MYO15A: variants seen among roughly 807,000 people sequenced by gnomAD.
MYO15A encodes myosin XVA.
Under a neutral mutation model 394.6 loss-of-function variants are expected in MYO15A, and 308 were observed. That is an observed-to-expected ratio of 0.78 (90% CI 0.71 to 0.86). The LOEUF (loss-of-function observed/expected upper bound fraction) is 0.86. Ranked by LOEUF, MYO15A falls within the 40% of genes least tolerant of loss-of-function variation. MYO15A has a pLI of 0.00. For synonymous variants in MYO15A, 1,957 were observed against 2,003.8 expected, an observed-to-expected ratio of 0.98 and a Z score of 0.62; for missense variants, 4,606 against 4,799.1, an observed-to-expected ratio of 0.96 and a Z score of 1.19.
chr17:18,137,794 A>G (rs1452056278), intron 16 of MYO15A, 115 bp downstream of exon 16: 2 of 1,210,952 alleles, frequency 1.7e-6, no homozygotes, highest in Non-Finnish European at 1.2e-6. Flanking sequence ...AGTAGACAGT[A>G]GAGGGAAAGG....
At position 18,150,531 on chromosome 17, in the gene MYO15A, G is replaced by C; in HGVS notation, c.7315G>C (p.Glu2439Gln). The change falls in exon 36 of 66, where the codon GAG becomes CAG. Residue 2439 changes from glutamate (E) to glutamine (Q), a missense_variant. Physicochemically the swap from Glu to Gln is conservative, Grantham distance 29. This residue lies in a region of MYO15A where 2,776 missense variants were observed against 3,109.3 expected (regional missense o/e 0.89). Coordinates refer to ENST00000647165, the MANE Select transcript of MYO15A (RefSeq NM_016239.4). This position sits in a 1 kb window ranked among gnomAD's most constrained non-coding sequence, Gnocchi z 4.4. Reference sequence around the variant, plus strand: ...TGAAGACACCCCCAGGAGACCCCCAGAGCCAAAGCCAAGTCAGTGCCTCCC... The same window carrying C: ...TGAAGACACCCCCAGGAGACCCCCACAGCCAAAGCCAAGTCAGTGCCTCCC... ...GTEDTPRRPP[E>Q]PKPIPGLDAS... 1 of 1,614,176 alleles carries C rather than the reference G, an allele frequency of 6.2e-7. No individual in the cohort carries two copies. Among genetic ancestry groups the C allele is most frequent in the Non-Finnish European group, 8.5e-7 (1 of 1,180,010 alleles).
At position 18,122,239 on chromosome 17, in the gene MYO15A, C is replaced by A. The variant is rs1259153213; in HGVS notation, c.3439C>A (p.Pro1147Thr). Residue 1147 changes from proline (P) to threonine (T), a missense_variant, in exon 2 of 66, where the codon CCA becomes ACA. Transcript: ENST00000647165. The part of the protein sequence containing the change: ...PQVQPIQDPK[P>T]RACSLRWSCL... ...AGTCCAGCCCATTCAGGACCCCAAG[C>A]CAAGAGCCTGTAGTCTTCGCTGGTC... 1 of 1,613,226 alleles carries A rather than the reference C, an allele frequency of 6.2e-7. No individual in the cohort carries two copies. The highest frequency in any genetic ancestry group is 2.2e-5 in the East Asian group (1 of 44,882).
chr17:18,111,818 T>C (rs901168787), intron 1 of MYO15A, among the ~76,000 whole-genome samples: 1 of 152,236 alleles, frequency 6.6e-6, no homozygotes, highest in Non-Finnish European at 1.5e-5. Context: ...CTATCTCATG[T>C]AATGCCCAGG....
chr17:18,152,304 T>G, intron 42 of MYO15A, 120 bp downstream of exon 42: 1 of 957,708 alleles, frequency 1.0e-6, no homozygotes, highest in East Asian at 2.6e-5. Flanking sequence ...GTGTACATCT[T>G]GTGAGCACAT....
rs756564364 is a variant in MYO15A at position 18,119,231 on chromosome 17, A to T, written c.431A>T (p.Lys144Met). 3 of 1,612,448 alleles carry T rather than the reference A, an allele frequency of 1.9e-6. No homozygotes were observed. In the South Asian group the frequency reaches 3.3e-5, roughly 18 times the overall value. The change falls in exon 2 of 66, where the codon AAG becomes ATG. Residue 144 changes from lysine (K) to methionine (M), a missense_variant. Coordinates refer to ENST00000647165, the MANE Select transcript of MYO15A (RefSeq NM_016239.4). ...INWLTKKFLL[K>M]KAEESGSEQA... ...TGGCTCACAAAAAAGTTCCTCCTCA[A>T]GAAGGCCGAGGAGTCGGGCAGCGAA...
rs1008937581 is a variant in MYO15A, at chr17:18,126,598, C to T, written c.3866+142C>T. Reference sequence around the variant, plus strand: ...CCACCTACTCAATCTGACAGTCTCTCCCCAGGCAGGGCCGAAGCTACAGGT... The same window carrying T: ...CCACCTACTCAATCTGACAGTCTCTTCCCAGGCAGGGCCGAAGCTACAGGT... On this transcript the variant is annotated intron_variant, in intron 5 of 65. Transcript: ENST00000647165. 8.3e-6 allele frequency: 9 copies of T among 1,077,990 alleles called. No individual in the cohort carries two copies. In the African/African-American group the frequency reaches 9.3e-5, roughly 11 times the overall value. The allele number at this position is 1,077,990 out of a possible 1,614,324, so 66.8% of individuals were successfully genotyped here. A position where few individuals can be genotyped will look rare whatever the true frequency, so the allele number is the denominator to read the frequency against.
In MYO15A at chr17:18,114,395, G is replaced by T. The variant is rs2045760706; in HGVS notation, c.-219-4187G>T. 2.0e-5 allele frequency among the ~76,000 whole-genome samples: 3 copies of T among 151,912 alleles called. 1 individual carries two copies. In the South Asian group the frequency reaches 6.2e-4, roughly 32 times the overall value. The stretch of plus-strand genomic sequence containing the variant: ...GCCTCCTGAGTAGCTGCAATTACAG[G>T]CATGCGCCACCACGCCCAGCTAATT... On this transcript the variant is annotated intron_variant, in intron 1 of 65. Transcript: ENST00000647165.
In MYO15A at chr17:18,151,093, C is replaced by T. The variant is rs767609614; in HGVS notation, c.7474-17C>T. ...GTATATCCCAGGCAGCCCACCCTCA[C>T]GTCCTGTTCTCCACAGAAACCCCCA... On this transcript the variant is annotated splice_polypyrimidine_tract_variant and intron_variant, in intron 38 of 65. Transcript: ENST00000647165. 8 of 1,613,602 alleles carry T rather than the reference C, an allele frequency of 5.0e-6. No homozygotes were observed. The highest frequency in any genetic ancestry group is 5.9e-6 in the Non-Finnish European group (7 of 1,180,022).
intron 56 of MYO15A, chr17:18,160,837 G>A: frequency 5.9e-6 from 2 of 337,326 alleles, no homozygotes; most frequent in Non-Finnish European, 5.9e-6. Context: ...CCCAATGTGT[G>A]CATGCTCTTG....
chr17:18,146,211 T>C, intron 30 of MYO15A, 104 bp downstream of exon 30: 1 of 1,244,150 alleles, frequency 8.0e-7, no homozygotes, highest in Non-Finnish European at 1.1e-6. Flanking sequence ...ATCTCTATGC[T>C]GGGAAGCTCA....
intron 64 of MYO15A, 31 bp downstream of exon 64, chr17:18,172,321 C>T (rs2046954066): frequency 1.2e-6 from 2 of 1,614,010 alleles, no homozygotes; most frequent in Admixed American, 1.7e-5. Flanking sequence ...ACTGCCATCG[C>T]CACCCTCTGT....
intron 56 of MYO15A, chr17:18,160,853 A>G: frequency 2.9e-6 from 1 of 342,908 alleles, no homozygotes; most frequent in Middle Eastern, 1.1e-3. Flanking sequence ...TCTTGTTACC[A>G]TCAGGTCCAC....
chr17:18,178,332 T>TGC (rs2047043497), intron 65 of MYO15A: 1 of 295,712 alleles, frequency 3.4e-6, no homozygotes, highest in African/African-American at 2.2e-5. Flanking sequence ...ATCGCGCCAT[T>TGC]GCACTCCAGC....
chr17:18,167,692 C>G lies in MYO15A; in HGVS notation c.10051C>G (p.Arg3351Gly). Residue 3351 changes from arginine to glycine, a missense_variant, in exon 62 of 66, where the codon CGC becomes GGC. Coordinates refer to ENST00000647165, the MANE Select transcript of MYO15A (RefSeq NM_016239.4). ...GTCCAAGCTGGCTTCACTGCAGCAT[C>G]GCGCCAAGGACCACTTCTACCTGCC... ...QVSKLASLQHRAKDHFYLPSV... is the reference protein window; with the variant it reads ...QVSKLASLQHGAKDHFYLPSV... 2.5e-6 allele frequency: 4 copies of G among 1,604,070 alleles called. No individual in the cohort carries two copies. The highest frequency in any genetic ancestry group is 3.4e-6 in the Non-Finnish European group (4 of 1,179,970).
intron 38 of MYO15A, 31 bp from the exon 39 acceptor site, chr17:18,151,079 G>A: frequency 1.2e-6 from 2 of 1,613,238 alleles, no homozygotes; most frequent in Non-Finnish European, 1.7e-6. Flanking sequence ...TATATCCCAG[G>A]CAGCCCACCC....
In MYO15A at chr17:18,120,719, ACGCGCGCCG is replaced by A; in HGVS notation, c.1921_1929del (p.Ala641_Arg643del). The A allele has an allele frequency of 6.7e-7, 1 of 1,494,242 alleles. No homozygotes were observed. Among genetic ancestry groups the A allele is most frequent in the South Asian group, 1.3e-5 (1 of 78,656 alleles). 92.6% of individuals were successfully genotyped at this position (1,494,242 alleles called of 1,614,324 possible). On this transcript the variant is annotated inframe_deletion, in exon 2 of 66. Transcript: ENST00000647165. Reference sequence around the variant, plus strand: ...CAGCCACGCGCTCGCAGCAGCAACGACGCGCGCCGCCCGCCCGCGCCACAGCCCGCGCCC... The same window carrying A: ...CAGCCACGCGCTCGCAGCAGCAACGACCCGCCCGCGCCACAGCCCGCGCCC...
chr17:18,150,317 G>A lies in MYO15A; in HGVS notation c.7213-112G>A, dbSNP rs1010115856. 4 of 934,046 alleles carry A rather than the reference G, an allele frequency of 4.3e-6. No homozygotes were observed. Among genetic ancestry groups the A allele is most frequent in the Admixed American group, 1.9e-5 (1 of 52,786 alleles). The allele number at this position is 934,046 out of a possible 1,614,324, so 57.9% of individuals were successfully genotyped here. The stretch of plus-strand genomic sequence containing the variant: ...ACAGCAGACACTGAGCCAGTGGGAG[G>A]CTGCCCCCTCCCACGAGAGGGTGGG... On this transcript the variant is annotated intron_variant, in intron 35 of 65. Transcript: ENST00000647165. This position sits in a 1 kb window ranked among gnomAD's most constrained non-coding sequence, Gnocchi z 4.4.
At chr17:18,173,946 T>G in intron 65 of MYO15A, 25 bp downstream of exon 65, 2 of 1,609,702 alleles carry the variant, frequency 1.2e-6, no homozygotes, top group Non-Finnish European at 1.7e-6. Flanking sequence ...AAGTCCAACA[T>G]TCCACTCACT....
chr17:18,108,896 A>T (rs1234604261), intron 1 of MYO15A, 72 bp downstream of exon 1: 1 of 152,680 alleles, frequency 6.5e-6, no homozygotes, highest in East Asian at 1.9e-4. Flanking sequence ...TGCAGGGGTG[A>T]TAAGGGAAGG....
Sources: allele counts gnomAD v4.1 joint callset (sites outside exome capture counted in the v4.1 genomes callset), GRCh38; gene constraint gnomAD v4.1.1; regional missense constraint gnomAD v4.1.1; non-coding constraint Gnocchi (gnomAD v3.1); transcripts MANE v1.5; gene names NCBI Gene and HGNC (gene_info 2026-07-23, HGNC 2026-07-21).